The following RASA2 variants were observed in gnomAD, a reference collection of about 807,000 sequenced individuals.
RASA2 encodes the protein RAS p21 protein activator 2, also known as ras GTPase-activating protein 2.
Under a neutral mutation model 118.2 loss-of-function variants are expected in RASA2, and 155 were observed. The observed-to-expected ratio is 1.31, with a 90% CI of 1.15 to 1.50. The LOEUF (loss-of-function observed/expected upper bound fraction) is 1.50. Among genes scored for constraint, RASA2 ranks in the 40% most tolerant of loss-of-function variants. The pLI is 0.00. For missense variants in RASA2, 1,016 were observed against 1,009.6 expected, an observed-to-expected ratio of 1.01 and a Z score of -0.09; for synonymous variants, 353 against 349.1, an observed-to-expected ratio of 1.01 and a Z score of -0.12.
intron 4 of RASA2, among the ~76,000 whole-genome samples, chr3:141,537,423 T>C (rs1436280085): frequency 6.6e-6 from 1 of 152,238 alleles, no homozygotes; most frequent in Non-Finnish European, 1.5e-5. Flanking sequence ...ATTCATTTTA[T>C]AGTTTCCAGG....
Position 141,612,292 on chromosome 3 carries a change from A to G in RASA2, c.2529A>G (p.Pro843=), listed in dbSNP as rs1460405940. The change falls in exon 24 of 24, where the codon CCA becomes CCG. Residue 843 remains proline (P), a synonymous_variant. Transcript: ENST00000286364. Reference sequence around the variant, plus strand: ...TTTTTTTCTTCTCTAGGGAAAATCCAATTGTTGGGAAAGCATCTTAGAGTT... The same window carrying G: ...TTTTTTTCTTCTCTAGGGAAAATCCGATTGTTGGGAAAGCATCTTAGAGTT... ...SSAKYGSKEN[P]IVGKAS is the part of the protein sequence containing the mutation. 4 of 1,588,118 alleles carry G rather than the reference A, an allele frequency of 2.5e-6. No individual in the cohort carries two copies. Among genetic ancestry groups the G allele is most frequent in the African/African-American group, 2.7e-5 (2 of 73,924 alleles).
intron 5 of RASA2, among the ~76,000 whole-genome samples, chr3:141,543,865 CTTTCTTT>C (rs1254340861): frequency 3.1e-5 from 4 of 130,976 alleles, no homozygotes; most frequent in Non-Finnish European, 3.2e-5. Context: ...TTCTTTCTTT[CTTTCTTT>C]TTTCTTTTTT....
At chr3:141,608,901 G>A (rs1420413329) in intron 21 of RASA2, among the ~76,000 whole-genome samples, 7 of 152,130 alleles carry the variant, frequency 4.6e-5, no homozygotes, top group African/African-American at 1.4e-4. Flanking sequence ...GTCTAGAATA[G>A]GTAAATTCAT....
At chr3:141,514,029 G>T (rs2081989539) in intron 2 of RASA2, among the ~76,000 whole-genome samples, 1 of 152,124 alleles carries the variant, frequency 6.6e-6, no homozygotes, top group Admixed American at 6.5e-5. Context: ...TGCTTTGAAT[G>T]CAAGAAGCAC....
intron 9 of RASA2, among the ~76,000 whole-genome samples, chr3:141,569,864 T>C (rs938744349): frequency 3.9e-5 from 6 of 152,104 alleles, no homozygotes; most frequent in African/African-American, 1.4e-4. Context: ...AGCTCCCACT[T>C]ACAAGTGAGA....
chr3:141,519,756 T>G (rs1400387922), intron 3 of RASA2, among the ~76,000 whole-genome samples: 5 of 152,094 alleles, frequency 3.3e-5, no homozygotes, highest in Non-Finnish European at 4.4e-5. Flanking sequence ...CAATTCAGTT[T>G]AACATTTACC....
At chr3:141,573,101 C>T (rs2151131363) in intron 12 of RASA2, 46 bp from the exon 13 acceptor site, 1 of 1,445,690 alleles carries the variant, frequency 6.9e-7, no homozygotes, top group Non-Finnish European at 9.3e-7. Flanking sequence ...TTCATTTTGT[C>T]AGACTACTTA....
intron 5 of RASA2, among the ~76,000 whole-genome samples, chr3:141,552,873 A>C (rs2082594593): frequency 6.6e-6 from 1 of 152,212 alleles, no homozygotes; most frequent in African/African-American, 2.4e-5. Flanking sequence ...ACTTTTCAGC[A>C]ACACTCATGA....
At chr3:141,589,847 A>C (rs901931697) in intron 19 of RASA2, among the ~76,000 whole-genome samples, 2 of 152,112 alleles carry the variant, frequency 1.3e-5, no homozygotes, top group African/African-American at 4.8e-5. Context: ...TCTCCAAAAA[A>C]AAAAGAAAAA....
intron 1 of RASA2, among the ~76,000 whole-genome samples, chr3:141,506,931 A>G (rs1157947582): frequency 1.3e-5 from 2 of 151,704 alleles, no homozygotes; most frequent in East Asian, 3.8e-4. Flanking sequence ...AAAAAAAAAA[A>G]AGAAAAAGAA....
chr3:141,554,653 C>T (rs2082621917), intron 6 of RASA2, among the ~76,000 whole-genome samples: 1 of 152,294 alleles, frequency 6.6e-6, no homozygotes, highest in African/African-American at 2.4e-5. Flanking sequence ...TACATACACA[C>T]CCCTTTTCCC....
At chr3:141,546,303 C>T (rs2082484756) in intron 5 of RASA2, among the ~76,000 whole-genome samples, 1 of 152,178 alleles carries the variant, frequency 6.6e-6, no homozygotes, top group Admixed American at 6.5e-5. Flanking sequence ...TACATTGCCA[C>T]CAGCAGTGTA....
At chr3:141,600,296 A>T (rs1451423914) in intron 19 of RASA2, 1 of 538,156 alleles carries the variant, frequency 1.9e-6, no homozygotes, top group Admixed American at 1.9e-5. Context: ...ACTGCCTCAC[A>T]TTCTTCTCCT....
At chr3:141,505,845 AAC>A (rs906928403) in intron 1 of RASA2, among the ~76,000 whole-genome samples, 35 of 152,124 alleles carry the variant, frequency 2.3e-4, no homozygotes, top group African/African-American at 8.2e-4. Flanking sequence ...ATCAAAGCTA[AAC>A]ACAGCATTTT....
chr3:141,601,559 C>CATT, intron 19 of RASA2, among the ~76,000 whole-genome samples: 1 of 152,202 alleles, frequency 6.6e-6, no homozygotes. Flanking sequence ...AAGCACTGAA[C>CATT]ATTTTTCTTA....
At chr3:141,533,448 T>A (rs1390677778) in intron 4 of RASA2, among the ~76,000 whole-genome samples, 2 of 152,222 alleles carry the variant, frequency 1.3e-5, no homozygotes, top group Admixed American at 1.3e-4. Context: ...TATGAAATGA[T>A]AATGTCAGCG....
At chr3:141,528,592 T>C (rs950659273) in intron 3 of RASA2, among the ~76,000 whole-genome samples, 39 of 151,900 alleles carry the variant, frequency 2.6e-4, no homozygotes, top group African/African-American at 9.4e-4. Flanking sequence ...ATTTTTTAAA[T>C]TAAAAAAAGT....
At chr3:141,522,725 CTG>C (rs2082129486) in intron 3 of RASA2, among the ~76,000 whole-genome samples, 1 of 152,096 alleles carries the variant, frequency 6.6e-6, no homozygotes, top group Non-Finnish European at 1.5e-5. Flanking sequence ...GCTTTTGATA[CTG>C]TGTGATACTT....
chr3:141,566,228 G>C (rs1294765639), intron 9 of RASA2, among the ~76,000 whole-genome samples: 2 of 152,228 alleles, frequency 1.3e-5, no homozygotes, highest in Non-Finnish European at 2.9e-5. Context: ...GTGATCATCA[G>C]TGGCTGCTGA....
Sources: gnomAD v4.1 joint callset for allele counts (sites outside exome capture counted in the v4.1 genomes callset) on GRCh38, gnomAD v4.1.1 for gene constraint, MANE v1.5 for transcripts, NCBI Gene and HGNC (gene_info 2026-07-23, HGNC 2026-07-21) for gene names.